DPP9: variants seen among roughly 807,000 people sequenced by gnomAD.
DPP9 encodes dipeptidyl peptidase IV-related protein-2.
Under a neutral mutation model 110.7 loss-of-function variants are expected in DPP9, and 50 were observed. The observed-to-expected ratio is 0.45, with a 90% CI of 0.36 to 0.57. The LOEUF (loss-of-function observed/expected upper bound fraction) is 0.57. Ranked by LOEUF, DPP9 falls within the 20% of genes least tolerant of loss-of-function variation. The probability of loss-of-function intolerance (pLI) is 0.00; values close to 1 mark genes in which losing one functional copy is unlikely to be tolerated. For synonymous variants in DPP9, 561 were observed against 514.4 expected, an observed-to-expected ratio of 1.09 and a Z score of -1.23; for missense variants, 1,022 against 1,217.9, an observed-to-expected ratio of 0.84 and a Z score of 2.39.
intron 8 of DPP9, 55 bp from the exon 9 acceptor site, chr19:4,702,210 A>G (rs1168064434): frequency 6.4e-7 from 1 of 1,564,852 alleles, no homozygotes; most frequent in Non-Finnish European, 8.7e-7. Flanking sequence ...AGTCCCTGCC[A>G]TCAGCACCCC....
rs1403541192 is a variant in DPP9, at chr19:4,702,895, C to T, written c.770-179G>A. On this transcript the variant is annotated intron_variant, in intron 7 of 21. Transcript: ENST00000262960. ...GAGCTCGGAGCCGACTGCTTTCAAGCAGGGTTGCTCCACCCCACACTGTGG... is the reference window on the plus strand; with the variant it reads ...GAGCTCGGAGCCGACTGCTTTCAAGTAGGGTTGCTCCACCCCACACTGTGG... Among the ~76,000 whole-genome samples the T allele has an allele frequency of 3.8e-5, 4 of 105,574 alleles. No individual in the cohort carries two copies. In the East Asian group the frequency reaches 9.5e-4, roughly 25 times the overall value. The allele number at this position is 105,574 out of a possible 152,430, so 69.3% of individuals were successfully genotyped here. A position where few individuals can be genotyped will look rare whatever the true frequency, so the allele number is the denominator to read the frequency against.
chr19:4,712,623 C>G (rs541607337), intron 4 of DPP9, among the ~76,000 whole-genome samples: 2 of 152,114 alleles, frequency 1.3e-5, no homozygotes, highest in Admixed American at 6.5e-5. Flanking sequence ...ACCTCTGTTG[C>G]GGTGACTCTC....
At position 4,687,457 on chromosome 19, in the gene DPP9, C is replaced by G. The variant is rs906192423; in HGVS notation, c.1885+1300G>C. Among the ~76,000 whole-genome samples, 1 of 152,192 alleles carries G rather than the reference C, an allele frequency of 6.6e-6. No homozygotes were observed. On this transcript the variant is annotated intron_variant, in intron 16 of 21. Coordinates refer to ENST00000262960, the MANE Select transcript of DPP9 (RefSeq NM_139159.5). This position sits in a 1 kb window ranked among gnomAD's most constrained non-coding sequence, Gnocchi z 4.7. ...CATGGTGATACGCTGATGTGTGTGA[C>G]GGAGCCAGCACTGGAACCCGGAGTC...
Position 4,704,947 on chromosome 19 carries a change from G to A in DPP9, c.427-643C>T, listed in dbSNP as rs1439600230. On this transcript the variant is annotated intron_variant, in intron 5 of 21. Transcript: ENST00000262960. This position sits in a 1 kb window ranked among gnomAD's most constrained non-coding sequence, Gnocchi z 6.0. ...CGGGAGGCAGAGGTTGCAGTGAGCCGAGATTGCGCCACTGCACTATAGCCT... is the reference window on the plus strand; with the variant it reads ...CGGGAGGCAGAGGTTGCAGTGAGCCAAGATTGCGCCACTGCACTATAGCCT... 2.6e-5 allele frequency among the ~76,000 whole-genome samples: 4 copies of A among 152,094 alleles called. No homozygotes were observed. The highest frequency in any genetic ancestry group is 2.1e-4 in the South Asian group (1 of 4,828).
rs1466931645 is a variant in DPP9 at position 4,689,672 on chromosome 19, G to A, written c.1647C>T (p.Asp549=). Residue 549 remains aspartate (D), a synonymous_variant, in exon 15 of 22, where the codon GAC becomes GAT. Coordinates refer to ENST00000262960, the MANE Select transcript of DPP9 (RefSeq NM_139159.5). The surrounding 1 kb of genome is among the most constrained non-coding windows in gnomAD (Gnocchi z 7.0). The stretch of plus-strand genomic sequence containing the variant: ...CGTAGAGGTGGTGCTCCAGCGGCGT[G>A]TCCTTGGTGCCCTGGAAGTACACCA... ...TKLVYFQGTK[D]TPLEHHLYVV... 23 of 1,560,466 alleles carry A rather than the reference G, an allele frequency of 1.5e-5. No homozygotes were observed. The East Asian group carries it at 5.5e-4, about 38-fold the overall frequency.
chr19:4,721,063 GC>G (rs1302962535), intron 2 of DPP9, among the ~76,000 whole-genome samples: 8 of 152,032 alleles, frequency 5.3e-5, no homozygotes, highest in Non-Finnish European at 1.0e-4. Context: ...GGGATAACCG[GC>G]CCCCCCAGGG....
At position 4,700,138 on chromosome 19, in the gene DPP9, G is replaced by A; in HGVS notation, c.1074+78C>T. The A allele has an allele frequency of 8.1e-7, 1 of 1,232,864 alleles. No individual in the cohort carries two copies. Among genetic ancestry groups the A allele is most frequent in the Non-Finnish European group, 1.1e-6 (1 of 906,944 alleles). The allele number at this position is 1,232,864 out of a possible 1,614,324, so 76.4% of individuals were successfully genotyped here. A position where few individuals can be genotyped will look rare whatever the true frequency, so the allele number is the denominator to read the frequency against. ...CCCCCGAGAGGGAGGTGAGTGACCT[G>A]CCCATCCACCCAGCTGCCTACCCGG... On this transcript the variant is annotated intron_variant, in intron 10 of 21. Transcript: ENST00000262960. The surrounding 1 kb of genome is among the most constrained non-coding windows in gnomAD (Gnocchi z 4.3).
At chr19:4,719,661 C>G in intron 3 of DPP9, 190 bp downstream of exon 3, 1 of 669,820 alleles carries the variant, frequency 1.5e-6, no homozygotes, top group Non-Finnish European at 2.6e-6. Flanking sequence ...CCAGCGTCCA[C>G]AGTGCCGAGG....
In DPP9 at chr19:4,687,594, C is replaced by G. The variant is rs114106411; in HGVS notation, c.1885+1163G>C. On this transcript the variant is annotated intron_variant, in intron 16 of 21. Coordinates refer to ENST00000262960, the MANE Select transcript of DPP9 (RefSeq NM_139159.5). This position sits in a 1 kb window ranked among gnomAD's most constrained non-coding sequence, Gnocchi z 4.7. ...TTGCTCCTTTTCCTGATAAAGGCCT[C>G]GGAGTGTCGGCTCTGAGCAGGTGCT... Among the ~76,000 whole-genome samples, 1,889 of 152,226 alleles carry G rather than the reference C, an allele frequency of 0.012. 41 individuals are homozygous for G. Among genetic ancestry groups the G allele is most frequent in the African/African-American group, 0.043 (1,795 of 41,530 alleles).
chr19:4,679,785 CA>C, intron 21 of DPP9, 49 bp downstream of exon 21: 1 of 1,451,036 alleles, frequency 6.9e-7, no homozygotes, highest in Non-Finnish European at 9.5e-7. Flanking sequence ...CCCCCACTCC[CA>C]GGGATCTGTC....
intron 13 of DPP9, among the ~76,000 whole-genome samples, chr19:4,691,457 CAACAAG>C (rs2091303939): frequency 6.8e-6 from 1 of 146,186 alleles, no homozygotes; most frequent in Non-Finnish European, 1.5e-5. Flanking sequence ...GCCTGGGCGA[CAACAAG>C]AACCCGTCTC....
chr19:4,688,848 C>T lies in DPP9; in HGVS notation c.1794G>A (p.Pro598=), dbSNP rs373806298. 3.2e-5 allele frequency: 48 copies of T among 1,515,278 alleles called. No homozygotes were observed. The highest frequency in any genetic ancestry group is 7.3e-5 in the African/African-American group (5 of 68,210). 93.9% of individuals were successfully genotyped at this position (1,515,278 alleles called of 1,614,324 possible). A position where few individuals can be genotyped will look rare whatever the true frequency, so the allele number is the denominator to read the frequency against. ...TCAGCTTGTAGACGTGCACGCAGGG[C>T]GGCGTGCTCACGCTGCTGTAGTGGC... is the stretch of plus-strand genomic sequence containing the variant. ...FVSHYSSVST[P]PCVHVYKLSG... The change falls in exon 16 of 22, where the codon CCG becomes CCA. Residue 598 remains proline, a synonymous_variant. Transcript: ENST00000262960.
chr19:4,688,923 G>A (rs374865705), intron 15 of DPP9, 31 bp from the exon 16 acceptor site: 14 of 1,506,324 alleles, frequency 9.3e-6, no homozygotes, highest in African/African-American at 2.9e-5. Flanking sequence ...TGAGCTCCAC[G>A]GGATGCCGCT....
Position 4,676,128 on chromosome 19 carries a change from T to C in DPP9, c.*436A>G, listed in dbSNP as rs10425839. Reference sequence around the variant, plus strand: ...CCCAAACAAAACACAAACATCAAGTTGGGGAGGCTGGCCGGGGGGGACAGG... The same window carrying C: ...CCCAAACAAAACACAAACATCAAGTCGGGGAGGCTGGCCGGGGGGGACAGG... On this transcript the variant is annotated 3_prime_UTR_variant, in exon 22 of 22. Transcript: ENST00000262960. The surrounding 1 kb of genome is among the most constrained non-coding windows in gnomAD (Gnocchi z 4.0). 5.8e-6 allele frequency: 1 copy of C among 173,360 alleles called. No homozygotes were observed. Among genetic ancestry groups the C allele is most frequent in the Non-Finnish European group, 1.2e-5 (1 of 81,624 alleles). The allele number at this position is 173,360 out of a possible 1,614,324, so 10.7% of individuals were successfully genotyped here.
At chr19:4,707,646 GAC>G (rs1446018810) in intron 4 of DPP9, among the ~76,000 whole-genome samples, 7 of 107,766 alleles carry the variant, frequency 6.5e-5, no homozygotes, top group African/African-American at 2.6e-4. Flanking sequence ...TTTTTTCTGA[GAC>G]ACAGTCTCGC....
chr19:4,705,236 C>T (rs1417514777), intron 5 of DPP9, among the ~76,000 whole-genome samples: 1 of 152,124 alleles, frequency 6.6e-6, no homozygotes, highest in Non-Finnish European at 1.5e-5. Context: ...TATATTGTTA[C>T]TATTTTAGAG....
At position 4,687,480 on chromosome 19, in the gene DPP9, G is replaced by C. The variant is rs2090873150; in HGVS notation, c.1885+1277C>G. Among the ~76,000 whole-genome samples, 1 of 152,216 alleles carries C rather than the reference G, an allele frequency of 6.6e-6. No homozygotes were observed. The highest frequency in any genetic ancestry group is 1.5e-5 in the Non-Finnish European group (1 of 68,036). On this transcript the variant is annotated intron_variant, in intron 16 of 21. Transcript: ENST00000262960. This position sits in a 1 kb window ranked among gnomAD's most constrained non-coding sequence, Gnocchi z 4.7. Reference sequence around the variant, plus strand: ...GACGGAGCCAGCACTGGAACCCGGAGTCACCAATGCAGGGTCCTGGCCAAC... The same window carrying C: ...GACGGAGCCAGCACTGGAACCCGGACTCACCAATGCAGGGTCCTGGCCAAC...
chr19:4,678,946 C>A (rs1319092753), intron 21 of DPP9, among the ~76,000 whole-genome samples: 2 of 152,230 alleles, frequency 1.3e-5, no homozygotes, highest in Non-Finnish European at 2.9e-5. Context: ...AGCCGCCCAA[C>A]TCTATGCTCT....
intron 21 of DPP9, among the ~76,000 whole-genome samples, chr19:4,678,412 C>A (rs1415081913): frequency 6.6e-6 from 1 of 152,258 alleles, no homozygotes; most frequent in Admixed American, 6.5e-5. Context: ...CACGCCCGGC[C>A]TGAATGCTTT....
Sources: gnomAD v4.1 joint callset for allele counts (sites outside exome capture counted in the v4.1 genomes callset) on GRCh38, gnomAD v4.1.1 for gene constraint, Gnocchi (gnomAD v3.1) non-coding constraint, MANE v1.5 for transcripts, NCBI Gene and HGNC (gene_info 2026-07-23, HGNC 2026-07-21) for gene names.